The following CD8B2 variants were observed in gnomAD, a reference collection of about 807,000 sequenced individuals.
CD8B2 encodes the protein T-cell surface glycoprotein CD8 beta-2 chain.
CD8B2 carries 11 observed loss-of-function variants against 23.7 expected under a neutral mutation model. The observed-to-expected ratio is 0.46, with a 90% CI of 0.29 to 0.77. The LOEUF is 0.77. CD8B2 is among the 30% of genes least tolerant of loss of function. CD8B2 has a pLI of 0.09. For missense variants in CD8B2, 197 were observed against 270.5 expected, an observed-to-expected ratio of 0.73 and a Z score of 1.91; for synonymous variants, 90 against 109.3, an observed-to-expected ratio of 0.82 and a Z score of 1.10.
chr2:106,492,331 AAAG>A (rs1679211852), intron 2 of CD8B2, among the ~76,000 whole-genome samples: 1 of 152,182 alleles, frequency 6.6e-6, no homozygotes, highest in Non-Finnish European at 1.5e-5. Context: ...AAAAAAGCAA[AAAG>A]AAGCAAGTAA....
At chr2:106,494,511 T>C (rs1412140822) in intron 2 of CD8B2, among the ~76,000 whole-genome samples, 16 of 151,912 alleles carry the variant, frequency 1.1e-4, no homozygotes. Context: ...GAGTTTAGGT[T>C]CATGGTGTCT....
intron 3 of CD8B2, among the ~76,000 whole-genome samples, chr2:106,500,466 C>T (rs76733436): frequency 0.039 from 3,520 of 91,304 alleles, no homozygotes; most frequent in African/African-American, 0.051. Flanking sequence ...TTGCGGTGAG[C>T]CCAGATCTCG....
chr2:106,508,278 C>T lies in CD8B2; in HGVS notation c.*1338C>T, dbSNP rs1194815369. 1 of 152,104 alleles carries T rather than the reference C, an allele frequency of 6.6e-6. No homozygotes were observed. Among genetic ancestry groups the T allele is most frequent in the East Asian group, 1.9e-4 (1 of 5,178 alleles). The allele number at this position is 152,104 out of a possible 1,614,324, so 9.4% of individuals were successfully genotyped here. The stretch of plus-strand genomic sequence containing the variant: ...TTCTCCTGGCCAGCTCAAGGAAGGA[C>T]ATTGACAAATCAGGTTATGTTCAGT... On this transcript the variant is annotated 3_prime_UTR_variant, in exon 6 of 6. Coordinates refer to ENST00000643224, the MANE Select transcript of CD8B2 (RefSeq NM_001349727.2).
intron 5 of CD8B2, chr2:106,542,941 C>A (rs1051945618): frequency 6.6e-6 from 1 of 152,056 alleles, no homozygotes; most frequent in Non-Finnish European, 1.5e-5. Flanking sequence ...TGTGTTCCAG[C>A]GCAGAACTGC....
downstream of CD8B2, among the ~76,000 whole-genome samples, chr2:106,513,691 G>A (rs1679680864): frequency 2.6e-5 from 4 of 151,886 alleles, no homozygotes; most frequent in Admixed American, 2.6e-4. Context: ...GACCAGACCA[G>A]GCAAAAGGGA....
chr2:106,536,691 T>TG (rs372011433), intron 5 of CD8B2, among the ~76,000 whole-genome samples: 12 of 152,254 alleles, frequency 7.9e-5, no homozygotes, highest in African/African-American at 2.4e-4. Context: ...GCTCATGAGG[T>TG]GCAGGTGCAT....
chr2:106,494,456 T>C (rs908394665), intron 2 of CD8B2, among the ~76,000 whole-genome samples: 5 of 140,972 alleles, frequency 3.5e-5, no homozygotes, highest in Non-Finnish European at 6.3e-5. Context: ...CCTTAATATT[T>C]CTTTTCTTTT....
intron 2 of CD8B2, among the ~76,000 whole-genome samples, chr2:106,492,066 T>C (rs972796578): frequency 6.6e-6 from 1 of 152,148 alleles, no homozygotes; most frequent in Admixed American, 6.5e-5. Flanking sequence ...TTATGTTCTC[T>C]GTGAGGGCCT....
chr2:106,494,114 G>A (rs573442970), intron 2 of CD8B2, among the ~76,000 whole-genome samples: 144 of 151,888 alleles, frequency 9.5e-4, no homozygotes, highest in African/African-American at 3.4e-3. Flanking sequence ...TGACTGATCT[G>A]TGGGCTTCCC....
chr2:106,532,007 G>A (rs1679995058), intron 5 of CD8B2, among the ~76,000 whole-genome samples: 1 of 152,198 alleles, frequency 6.6e-6, no homozygotes, highest in African/African-American at 2.4e-5. Context: ...CAAAGTAACA[G>A]ATCTCCAGCC....
chr2:106,498,442 C>T (rs1360225446), intron 3 of CD8B2, among the ~76,000 whole-genome samples: 1 of 152,226 alleles, frequency 6.6e-6, no homozygotes, highest in East Asian at 1.9e-4. Flanking sequence ...GCCACTACGC[C>T]TGGCCTCTTG....
At chr2:106,493,928 C>G (rs996620254) in intron 2 of CD8B2, among the ~76,000 whole-genome samples, 2 of 152,212 alleles carry the variant, frequency 1.3e-5, no homozygotes, top group African/African-American at 4.8e-5. Flanking sequence ...TGCGGAAAGG[C>G]TCAGCACTGC....
chr2:106,500,653 C>T (rs1301348980), intron 3 of CD8B2, among the ~76,000 whole-genome samples: 1 of 152,036 alleles, frequency 6.6e-6, no homozygotes, highest in Non-Finnish European at 1.5e-5. Context: ...AAAATTCTCT[C>T]TCTTCCTTGA....
At chr2:106,502,383 C>T (rs182573713) in intron 3 of CD8B2, 91 bp from the exon 4 acceptor site, 589 of 649,922 alleles carry the variant, frequency 9.1e-4, no homozygotes, top group Non-Finnish European at 1.4e-3. Flanking sequence ...GGTGGGGCTT[C>T]CAGTTGAATT....
At chr2:106,496,832 T>C (rs1164271862) in intron 3 of CD8B2, among the ~76,000 whole-genome samples, 1 of 151,922 alleles carries the variant, frequency 6.6e-6, no homozygotes, top group Non-Finnish European at 1.5e-5. Flanking sequence ...TGTTCTGAAA[T>C]TACATTATGA....
chr2:106,502,037 T>G (rs1255256491), intron 3 of CD8B2, among the ~76,000 whole-genome samples: 1 of 152,114 alleles, frequency 6.6e-6, no homozygotes, highest in African/African-American at 2.4e-5. Context: ...GGCTCAGGCC[T>G]GTAATCCCAG....
At chr2:106,527,522 C>T (rs62154043) in intron 5 of CD8B2, among the ~76,000 whole-genome samples, 20,862 of 152,256 alleles carry the variant, frequency 0.14, 1,715 homozygotes, top group East Asian at 0.3. Flanking sequence ...CAGTGGCTCA[C>T]GCCTGTAATC....
intron 3 of CD8B2, among the ~76,000 whole-genome samples, chr2:106,497,682 C>A (rs1223330510): frequency 6.6e-6 from 1 of 152,164 alleles, no homozygotes; most frequent in Non-Finnish European, 1.5e-5. Flanking sequence ...GGGTGGGAAG[C>A]TGCCGTCACA....
intron 5 of CD8B2, among the ~76,000 whole-genome samples, chr2:106,537,010 A>G (rs1475208246): frequency 1.3e-5 from 2 of 152,180 alleles, no homozygotes; most frequent in Non-Finnish European, 2.9e-5. Flanking sequence ...TGTTTCTCCA[A>G]TAGGACACAT....
Sources: allele counts gnomAD v4.1 joint callset (sites outside exome capture counted in the v4.1 genomes callset), GRCh38; gene constraint gnomAD v4.1.1; transcripts MANE v1.5; gene names NCBI Gene and HGNC (gene_info 2026-07-23, HGNC 2026-07-21).